Variants in NPAS3 observed in about 807,000 individuals in gnomAD.
The protein encoded by NPAS3 is neuronal PAS domain-containing protein 3.
NPAS3 carries 14 observed loss-of-function variants against 73.1 expected under a neutral mutation model. The observed-to-expected ratio is 0.19, with a 90% CI of 0.13 to 0.30. NPAS3 has a LOEUF of 0.30. NPAS3 is among the 10% of genes least tolerant of loss of function. NPAS3 has a pLI of 1.00. For synonymous variants in NPAS3, 620 were observed against 541.5 expected (o/e 1.14, Z -2.01); for missense variants, 1,096 against 1,250.0 (o/e 0.88, Z 1.86).
intron 5 of NPAS3, among the ~76,000 whole-genome samples, chr14:33,568,025 A>G (rs542705024): frequency 2.1e-4 from 32 of 152,312 alleles, no homozygotes; most frequent in African/African-American, 7.5e-4. Context: ...TGAATCGAAA[A>G]CCTACATTGC....
chr14:33,672,014 G>A (rs1426528438), intron 5 of NPAS3, among the ~76,000 whole-genome samples: 1 of 152,090 alleles, frequency 6.6e-6, no homozygotes, highest in Non-Finnish European at 1.5e-5. Flanking sequence ...TCTACTATTG[G>A]TGATATCAAG....
chr14:33,441,830 G>C (rs1470483705), intron 4 of NPAS3, among the ~76,000 whole-genome samples: 1 of 152,176 alleles, frequency 6.6e-6, no homozygotes, highest in Non-Finnish European at 1.5e-5. Context: ...AAGAGCACCA[G>C]TGCAGGGAAA....
chr14:32,982,771 G>A (rs532783054), intron 1 of NPAS3, among the ~76,000 whole-genome samples: 30 of 152,268 alleles, frequency 2.0e-4, no homozygotes, highest in African/African-American at 6.5e-4. Context: ...TAGGATAAAG[G>A]AACAGAAGGA....
At position 33,521,131 on chromosome 14, in the gene NPAS3, T is replaced by G. The variant is rs1468975839; in HGVS notation, c.469-38990T>G. ...AGTGCTTTCATTATATTTGTGTCTATTAAGTCAGACTACAGTTTTCAAGGT... is the reference window on the plus strand; with the variant it reads ...AGTGCTTTCATTATATTTGTGTCTAGTAAGTCAGACTACAGTTTTCAAGGT... On this transcript the variant is annotated intron_variant, in intron 4 of 11. Transcript: ENST00000356141. Among the ~76,000 whole-genome samples, 3 of 152,236 alleles carry G rather than the reference T, an allele frequency of 2.0e-5. No homozygotes were observed. In the East Asian group the frequency reaches 5.8e-4, roughly 30 times the overall value.
intron 6 of NPAS3, among the ~76,000 whole-genome samples, chr14:33,721,389 C>T (rs1171699088): frequency 6.6e-6 from 1 of 152,154 alleles, no homozygotes; most frequent in Non-Finnish European, 1.5e-5. Flanking sequence ...ACATATTTTA[C>T]TTTCAGCTTT....
At chr14:33,680,791 T>C (rs2297117) in intron 6 of NPAS3, 363,948 of 608,148 alleles carry the variant, frequency 0.6, 109,418 homozygotes, top group African/African-American at 0.71. Flanking sequence ...GCAAAATGCA[T>C]GAGGCAGTAC....
In NPAS3 at chr14:33,745,204, G is replaced by A. The variant is rs186110629; in HGVS notation, c.852+9872G>A. Among the ~76,000 whole-genome samples, 19 of 152,326 alleles carry A rather than the reference G, an allele frequency of 1.2e-4. No homozygotes were observed. The East Asian group carries it at 1.3e-3, about 11-fold the overall frequency. On this transcript the variant is annotated intron_variant, in intron 7 of 11. Transcript: ENST00000356141. ...TTCGAGGCTGCAGTGAGCCATGACC[G>A]TGCCACTGCACTCCAGCCTAGGTGA...
intron 7 of NPAS3, among the ~76,000 whole-genome samples, chr14:33,741,383 C>T (rs1270076617): frequency 6.6e-6 from 1 of 152,172 alleles, no homozygotes; most frequent in Non-Finnish European, 1.5e-5. Flanking sequence ...GCCTTTCAAT[C>T]AACCCAGACA....
chr14:32,981,326 A>G (rs959624213), intron 1 of NPAS3, among the ~76,000 whole-genome samples: 1 of 152,264 alleles, frequency 6.6e-6, no homozygotes, highest in African/African-American at 2.4e-5. Flanking sequence ...GCATTTGCAA[A>G]AACATCTTTC....
intron 1 of NPAS3, among the ~76,000 whole-genome samples, chr14:33,044,388 A>G (rs757325000): frequency 6.6e-5 from 10 of 152,206 alleles, no homozygotes; most frequent in African/African-American, 9.7e-5. Context: ...TCATACTTCT[A>G]TTAGACACAA....
chr14:32,997,049 A>G (rs948562400), intron 1 of NPAS3, among the ~76,000 whole-genome samples: 1 of 152,182 alleles, frequency 6.6e-6, no homozygotes, highest in Non-Finnish European at 1.5e-5. Flanking sequence ...ATGGGAACCC[A>G]CCTCATGCAT....
At chr14:33,547,620 A>C (rs1443046024) in intron 4 of NPAS3, among the ~76,000 whole-genome samples, 1 of 151,976 alleles carries the variant, frequency 6.6e-6, no homozygotes, top group South Asian at 2.1e-4. Flanking sequence ...GCAAAATGCA[A>C]ACCAAAAGAT....
At chr14:33,439,579 C>A (rs533323722) in intron 4 of NPAS3, among the ~76,000 whole-genome samples, 51 of 151,994 alleles carry the variant, frequency 3.4e-4, no homozygotes, top group Non-Finnish European at 6.2e-4. Context: ...AATAAGAATT[C>A]CAATGCAAAA....
At chr14:33,472,302 G>A (rs558003853) in intron 4 of NPAS3, among the ~76,000 whole-genome samples, 4 of 152,268 alleles carry the variant, frequency 2.6e-5, no homozygotes, top group African/African-American at 9.6e-5. Context: ...TTAGGTTGGA[G>A]AGGTAAGAGG....
intron 5 of NPAS3, among the ~76,000 whole-genome samples, chr14:33,640,368 A>G (rs571165780): frequency 2.6e-5 from 4 of 152,300 alleles, no homozygotes; most frequent in African/African-American, 9.6e-5. Context: ...TGGAAGATCT[A>G]CCTGAAGTCT....
intron 2 of NPAS3, among the ~76,000 whole-genome samples, chr14:33,071,654 G>A (rs891318501): frequency 6.6e-5 from 10 of 152,006 alleles, no homozygotes; most frequent in Admixed American, 2.0e-4. Flanking sequence ...TAGCATATAC[G>A]AACCACAAAA....
intron 3 of NPAS3, among the ~76,000 whole-genome samples, chr14:33,289,434 G>C (rs1478047184): frequency 6.6e-6 from 1 of 152,138 alleles, no homozygotes; most frequent in African/African-American, 2.4e-5. Flanking sequence ...CTGAAAGATG[G>C]CTTTAGTAAT....
At chr14:33,053,414 C>T (rs1422689753) in intron 1 of NPAS3, among the ~76,000 whole-genome samples, 2 of 152,142 alleles carry the variant, frequency 1.3e-5, no homozygotes, top group African/African-American at 4.8e-5. Flanking sequence ...TTAAGTCCTA[C>T]CTCAAGCTGT....
At chr14:33,448,736 G>C (rs1401409937) in intron 4 of NPAS3, among the ~76,000 whole-genome samples, 1 of 152,154 alleles carries the variant, frequency 6.6e-6, no homozygotes, top group Admixed American at 6.5e-5. Flanking sequence ...AAATATCAAA[G>C]TGCCCCTGAG....
Sources: allele counts gnomAD v4.1 joint callset (sites outside exome capture counted in the v4.1 genomes callset), GRCh38; gene constraint gnomAD v4.1.1; transcripts MANE v1.5; gene names NCBI Gene and HGNC (gene_info 2026-07-23, HGNC 2026-07-21).